The following LRRTM4 variants were observed in gnomAD, a reference collection of about 807,000 sequenced individuals.
The protein encoded by LRRTM4 is leucine rich repeat transmembrane neuronal 4.
In LRRTM4, 25 loss-of-function variants were observed where a neutral mutation model predicts 47.6. That is an observed-to-expected ratio of 0.53 (90% confidence interval 0.38 to 0.73). LRRTM4 has a LOEUF of 0.73. LRRTM4 is among the 30% of genes least tolerant of loss of function. The pLI is 0.00. For synonymous variants in LRRTM4, 311 were observed against 269.5 expected, an observed-to-expected ratio of 1.15 and a Z score of -1.51; for missense variants, 638 against 713.4, an observed-to-expected ratio of 0.89 and a Z score of 1.20.
At chr2:77,427,982 G>C (rs931961609) in intron 3 of LRRTM4, among the ~76,000 whole-genome samples, 1 of 152,104 alleles carries the variant, frequency 6.6e-6, no homozygotes, top group Non-Finnish European at 1.5e-5. Context: ...GGGACCCAGT[G>C]GGAAGTAATT....
intron 3 of LRRTM4, among the ~76,000 whole-genome samples, chr2:77,006,089 A>T (rs1310693035): frequency 1.3e-5 from 2 of 152,158 alleles, no homozygotes; most frequent in African/African-American, 4.8e-5. Context: ...CCAAAATGAT[A>T]TATATTTAAA....
intron 3 of LRRTM4, among the ~76,000 whole-genome samples, chr2:77,011,207 T>G (rs2104066800): frequency 6.6e-6 from 1 of 152,298 alleles, no homozygotes; most frequent in African/African-American, 2.4e-5. Context: ...TTTTCAAAAA[T>G]ATAATTTCAA....
intron 3 of LRRTM4, among the ~76,000 whole-genome samples, chr2:77,020,729 C>T (rs1224759394): frequency 6.6e-6 from 1 of 152,098 alleles, no homozygotes; most frequent in African/African-American, 2.4e-5. Context: ...TCTGCTCAAA[C>T]ACTGGTCATT....
intron 3 of LRRTM4, among the ~76,000 whole-genome samples, chr2:76,926,943 G>A (rs1674607745): frequency 6.6e-6 from 1 of 152,064 alleles, no homozygotes; most frequent in Non-Finnish European, 1.5e-5. Context: ...CGTTTCACCA[G>A]GACCAAAGCA....
intron 3 of LRRTM4, among the ~76,000 whole-genome samples, chr2:76,797,372 A>T (rs1558660180): frequency 6.6e-6 from 1 of 152,100 alleles, no homozygotes; most frequent in Non-Finnish European, 1.5e-5. Context: ...ACTAAGCTTC[A>T]TAAGCGAATG....
intron 3 of LRRTM4, among the ~76,000 whole-genome samples, chr2:76,841,337 A>G (rs1247223169): frequency 1.3e-5 from 2 of 151,820 alleles, no homozygotes; most frequent in Non-Finnish European, 2.9e-5. Flanking sequence ...ATGACGAGTT[A>G]ATGGGTGCAG....
chr2:77,517,331 C>G (rs1342921232), intron 3 of LRRTM4: 8 of 983,212 alleles, frequency 8.1e-6, no homozygotes, highest in African/African-American at 1.8e-5. Flanking sequence ...GGGAGGATAC[C>G]CAGAACTCAA....
intron 3 of LRRTM4, among the ~76,000 whole-genome samples, chr2:77,444,758 G>T (rs1286610003): frequency 6.6e-6 from 1 of 151,918 alleles, no homozygotes; most frequent in East Asian, 1.9e-4. Flanking sequence ...TCTTCAATAA[G>T]TTCCTTCAAT....
chr2:77,399,555 T>C (rs145705445), intron 3 of LRRTM4, among the ~76,000 whole-genome samples: 1 of 151,982 alleles, frequency 6.6e-6, no homozygotes, highest in East Asian at 1.9e-4. Context: ...TTGTACAATA[T>C]GGTGATGGTG....
intron 3 of LRRTM4, among the ~76,000 whole-genome samples, chr2:76,858,341 A>G (rs1298528660): frequency 1.3e-5 from 2 of 152,206 alleles, no homozygotes; most frequent in East Asian, 3.9e-4. Context: ...TCAAACTGAG[A>G]CATTGACTTT....
chr2:76,750,317 C>A (rs1672809259), intron 3 of LRRTM4, among the ~76,000 whole-genome samples: 1 of 152,184 alleles, frequency 6.6e-6, no homozygotes, highest in African/African-American at 2.4e-5. Context: ...CACCACAAAG[C>A]TTCTCCTCCA....
chr2:77,027,981 T>TAA (rs11368002), intron 3 of LRRTM4, among the ~76,000 whole-genome samples: 5 of 149,636 alleles, frequency 3.3e-5, no homozygotes, highest in Non-Finnish European at 4.5e-5. Context: ...GTTTACAAAT[T>TAA]AAAAAAAAAA....
At chr2:77,417,536 T>C (rs191828154) in intron 3 of LRRTM4, among the ~76,000 whole-genome samples, 52 of 152,230 alleles carry the variant, frequency 3.4e-4, no homozygotes, top group Middle Eastern at 6.8e-3. Flanking sequence ...ATGTGGCACA[T>C]ATACACCATG....
intron 3 of LRRTM4, among the ~76,000 whole-genome samples, chr2:76,779,796 T>C (rs573027778): frequency 2.0e-5 from 3 of 152,178 alleles, no homozygotes; most frequent in Non-Finnish European, 2.9e-5. Flanking sequence ...GAATTTGATC[T>C]TATCATTATG....
chr2:77,035,655 A>G (rs1678812461), intron 3 of LRRTM4, among the ~76,000 whole-genome samples: 3 of 151,920 alleles, frequency 2.0e-5, no homozygotes, highest in African/African-American at 7.2e-5. Flanking sequence ...ACTTTTTGGA[A>G]TTGACTTTTT....
chr2:77,314,227 A>T (rs1677554568), intron 3 of LRRTM4, among the ~76,000 whole-genome samples: 1 of 151,878 alleles, frequency 6.6e-6, no homozygotes, highest in Non-Finnish European at 1.5e-5. Flanking sequence ...TAATTATATA[A>T]CTCTTCATAC....
At chr2:77,081,317 T>G (rs1203783380) in intron 3 of LRRTM4, among the ~76,000 whole-genome samples, 1 of 150,238 alleles carries the variant, frequency 6.7e-6, no homozygotes, top group Non-Finnish European at 1.5e-5. Context: ...AAGAGCAAAA[T>G]GTTTAACCTT....
At chr2:76,969,450 T>C (rs1676145829) in intron 3 of LRRTM4, among the ~76,000 whole-genome samples, 1 of 151,910 alleles carries the variant, frequency 6.6e-6, no homozygotes, top group Non-Finnish European at 1.5e-5. Flanking sequence ...TCTGGAAAAG[T>C]TGTAAGAGCA....
intron 3 of LRRTM4, among the ~76,000 whole-genome samples, chr2:76,988,325 C>T (rs933573424): frequency 3.3e-5 from 5 of 151,784 alleles, no homozygotes; most frequent in Non-Finnish European, 7.4e-5. Flanking sequence ...CCGTGGTAGG[C>T]CAGCAATCTA....
Sources: allele counts gnomAD v4.1 joint callset (sites outside exome capture counted in the v4.1 genomes callset), GRCh38; gene constraint gnomAD v4.1.1; transcripts MANE v1.5; gene names NCBI Gene and HGNC (gene_info 2026-07-23, HGNC 2026-07-21).